MYO1D: variants seen among roughly 807,000 people sequenced by gnomAD.
The protein encoded by MYO1D is unconventional myosin-Id.
MYO1D carries 83 observed loss-of-function variants against 122.0 expected under a neutral mutation model. The ratio of observed to expected loss-of-function variants is 0.68; its 90% CI spans 0.57 to 0.82. The LOEUF (loss-of-function observed/expected upper bound fraction) is 0.82, where lower values mean the gene tolerates loss of function less well. Ranked by LOEUF, MYO1D falls within the 40% of genes least tolerant of loss-of-function variation. The pLI is 0.00. For synonymous variants in MYO1D, 464 were observed against 446.9 expected, an observed-to-expected ratio of 1.04 and a Z score of -0.48; for missense variants, 1,157 against 1,269.5, an observed-to-expected ratio of 0.91 and a Z score of 1.35.
At chr17:32,727,902 A>C (rs769171929) in intron 14 of MYO1D, among the ~76,000 whole-genome samples, 1 of 152,236 alleles carries the variant, frequency 6.6e-6, no homozygotes, top group Non-Finnish European at 1.5e-5. Flanking sequence ...TGGCATAGCT[A>C]TATTATTCAT....
At chr17:32,716,186 C>T (rs144166706) in intron 15 of MYO1D, among the ~76,000 whole-genome samples, 1 of 152,352 alleles carries the variant, frequency 6.6e-6, no homozygotes, top group African/African-American at 2.4e-5. Flanking sequence ...GCTGTTCCCA[C>T]TGCCCGGAAT....
At position 32,634,499 on chromosome 17, in the gene MYO1D, T is replaced by C. The variant is rs548123017; in HGVS notation, c.2709+4223A>G. Among the ~76,000 whole-genome samples the C allele has an allele frequency of 5.3e-5, 8 of 152,268 alleles. No individual in the cohort carries two copies. The South Asian group carries it at 1.5e-3, about 28-fold the overall frequency. ...GCTGATTTATAGAAGTTCAATGCAT[T>C]AGGAGATGTAAGGATAGTGGGATTG... On this transcript the variant is annotated intron_variant, in intron 20 of 21. Coordinates refer to ENST00000318217, the MANE Select transcript of MYO1D (RefSeq NM_015194.3).
chr17:32,667,318 C>T (rs1457229633), intron 16 of MYO1D, among the ~76,000 whole-genome samples: 1 of 152,048 alleles, frequency 6.6e-6, no homozygotes, highest in Non-Finnish European at 1.5e-5. Flanking sequence ...CTATAAGGGA[C>T]AAAATGAATA....
At position 32,493,548 on chromosome 17, in the gene MYO1D, C is replaced by T. The variant is rs909471551; in HGVS notation, c.*1211G>A. ...GAGGCGTAGGCTCCCCTCATCCTCTCACCGCATGGGGCATTTGCTCCCAGC... is the reference window on the plus strand; with the variant it reads ...GAGGCGTAGGCTCCCCTCATCCTCTTACCGCATGGGGCATTTGCTCCCAGC... On this transcript the variant is annotated 3_prime_UTR_variant, in exon 22 of 22. Transcript: ENST00000318217. 2.0e-5 allele frequency: 3 copies of T among 152,496 alleles called. No individual in the cohort carries two copies. Among genetic ancestry groups the T allele is most frequent in the Admixed American group, 1.3e-4 (2 of 15,296 alleles). The allele number at this position is 152,496 out of a possible 1,614,324, so 9.4% of individuals were successfully genotyped here. A position where few individuals can be genotyped will look rare whatever the true frequency, so the allele number is the denominator to read the frequency against.
chr17:32,864,459 C>T (rs1438152385), intron 1 of MYO1D, among the ~76,000 whole-genome samples: 1 of 144,822 alleles, frequency 6.9e-6, no homozygotes, highest in African/African-American at 2.6e-5. Flanking sequence ...AGGCAAGCAA[C>T]ATCATGAGAC....
intron 21 of MYO1D, among the ~76,000 whole-genome samples, chr17:32,577,005 T>C (rs2087284746): frequency 6.6e-6 from 1 of 152,026 alleles, no homozygotes; most frequent in African/African-American, 2.4e-5. Flanking sequence ...ATCCTAGCAC[T>C]TTGGGAGGGC....
At chr17:32,710,882 A>G (rs1399651649) in intron 16 of MYO1D, among the ~76,000 whole-genome samples, 1 of 152,202 alleles carries the variant, frequency 6.6e-6, no homozygotes, top group East Asian at 1.9e-4. Context: ...ATATCATTCT[A>G]TCTATTAATC....
At chr17:32,765,794 T>G (rs910393520) in intron 7 of MYO1D, among the ~76,000 whole-genome samples, 5 of 152,098 alleles carry the variant, frequency 3.3e-5, no homozygotes, top group African/African-American at 1.2e-4. Context: ...CACAATTGAT[T>G]TTGGTACATG....
chr17:32,857,734 C>T (rs910558078), intron 1 of MYO1D, among the ~76,000 whole-genome samples: 38 of 152,220 alleles, frequency 2.5e-4, no homozygotes, highest in Admixed American at 2.5e-3. Context: ...GTCTTATTCA[C>T]ATTCCAGCAT....
At chr17:32,801,490 G>A (rs1174291350) in intron 1 of MYO1D, among the ~76,000 whole-genome samples, 2 of 152,188 alleles carry the variant, frequency 1.3e-5, no homozygotes, top group Non-Finnish European at 2.9e-5. Flanking sequence ...GCATGGCAGG[G>A]GGAGTGGAAA....
At chr17:32,593,112 T>C (rs570687749) in intron 21 of MYO1D, among the ~76,000 whole-genome samples, 57 of 111,456 alleles carry the variant, frequency 5.1e-4, no homozygotes, top group Admixed American at 1.6e-3. Flanking sequence ...ATGACAACCA[T>C]TACTCTGGCC....
intron 20 of MYO1D, among the ~76,000 whole-genome samples, chr17:32,618,462 A>G (rs1244953160): frequency 2.0e-5 from 3 of 152,102 alleles, no homozygotes; most frequent in Non-Finnish European, 4.4e-5. Context: ...TTTCTTCCCA[A>G]TATTCCACAT....
chr17:32,531,006 G>A (rs979406963), intron 21 of MYO1D, among the ~76,000 whole-genome samples: 1 of 151,992 alleles, frequency 6.6e-6, no homozygotes, highest in East Asian at 1.9e-4. Context: ...ACTCCCTTTG[G>A]AGAACTGATC....
At chr17:32,635,501 C>T (rs2088085144) in intron 20 of MYO1D, among the ~76,000 whole-genome samples, 1 of 152,152 alleles carries the variant, frequency 6.6e-6, no homozygotes, top group South Asian at 2.1e-4. Context: ...GAGCTCAAGA[C>T]CAGCCTGGTG....
intron 5 of MYO1D, 89 bp from the exon 6 acceptor site, chr17:32,771,309 T>C: frequency 1.1e-6 from 1 of 893,400 alleles, no homozygotes. Flanking sequence ...ATTCATTTTC[T>C]GGGCTTAATT....
At chr17:32,575,486 A>C (rs1446256784) in intron 21 of MYO1D, among the ~76,000 whole-genome samples, 2 of 152,232 alleles carry the variant, frequency 1.3e-5, no homozygotes, top group Non-Finnish European at 2.9e-5. Context: ...AAAATTTTCC[A>C]TGTGGTGTGA....
At chr17:32,822,230 T>G (rs571756058) in intron 1 of MYO1D, among the ~76,000 whole-genome samples, 1 of 152,124 alleles carries the variant, frequency 6.6e-6, no homozygotes, top group Non-Finnish European at 1.5e-5. Flanking sequence ...TGTAGGGACA[T>G]GGATGAAGCT....
chr17:32,694,707 C>CAA (rs58606294), intron 16 of MYO1D, among the ~76,000 whole-genome samples: 23,581 of 55,800 alleles, frequency 0.42, 6,093 homozygotes, highest in East Asian at 0.46. Context: ...GACTCCGTCT[C>CAA]AAAAAAAAAA....
At chr17:32,706,597 G>T (rs2150983621) in intron 16 of MYO1D, among the ~76,000 whole-genome samples, 1 of 152,150 alleles carries the variant, frequency 6.6e-6, no homozygotes, top group East Asian at 1.9e-4. Context: ...AACAAAGGTG[G>T]AATTTCAATT....
Sources: allele counts gnomAD v4.1 joint callset (sites outside exome capture counted in the v4.1 genomes callset), GRCh38; gene constraint gnomAD v4.1.1; transcripts MANE v1.5; gene names NCBI Gene and HGNC (gene_info 2026-07-23, HGNC 2026-07-21).